SH2B2: variants seen among roughly 807,000 people sequenced by gnomAD.
SH2B2 encodes SH2B adaptor protein 2.
A neutral mutation model predicts 35.7 loss-of-function variants in SH2B2; 37 were observed. The observed-to-expected ratio is 1.04, with a 90% CI of 0.80 to 1.36. The LOEUF (loss-of-function observed/expected upper bound fraction) is 1.36, where lower values mean the gene tolerates loss of function less well. Among genes scored for constraint, SH2B2 ranks in the 40% most tolerant of loss-of-function variants. The pLI, the probability that SH2B2 is intolerant of heterozygous loss-of-function variation, is 0.00. For missense variants in SH2B2, 852 were observed against 817.7 expected, an observed-to-expected ratio of 1.04 and a Z score of -0.51; for synonymous variants, 383 against 376.4, an observed-to-expected ratio of 1.02 and a Z score of -0.20.
At chr7:102,285,427 G>C (rs1792406669), upstream of SH2B2, among the ~76,000 whole-genome samples, 1 of 152,192 alleles carries the variant, frequency 6.6e-6, no homozygotes, top group South Asian at 2.1e-4. Context: ...CCTGTGTGCA[G>C]CTCCGATCGA....
rs1245587518 is a variant in SH2B2, at chr7:102,301,282, G to A, written c.729+3G>A. ...TGGAGTTCTTCGTGCCGCCCAAAGT[G>A]AGTTACCCCATAATCCCACCTAGCC... is the stretch of plus-strand genomic sequence containing the variant. On this transcript the variant is annotated splice_donor_region_variant and intron_variant, in intron 2 of 8. Coordinates refer to ENST00000444095, the MANE Select transcript of SH2B2 (RefSeq NM_001359228.2). 1 of 1,602,318 alleles carries A rather than the reference G, an allele frequency of 6.2e-7. No individual in the cohort carries two copies. The highest frequency in any genetic ancestry group is 1.4e-5 in the African/African-American group (1 of 73,990).
At chr7:102,293,984 G>C (rs570843938) in intron 1 of SH2B2, among the ~76,000 whole-genome samples, 4 of 152,086 alleles carry the variant, frequency 2.6e-5, no homozygotes, top group African/African-American at 9.7e-5. Flanking sequence ...GGAGATCAGA[G>C]GGGGAGAGCA....
intron 4 of SH2B2, among the ~76,000 whole-genome samples, chr7:102,313,813 G>A (rs1221949177): frequency 6.6e-6 from 1 of 151,954 alleles, no homozygotes; most frequent in Non-Finnish European, 1.5e-5. Context: ...TCAGGAGGCT[G>A]AGGCAGGAGA....
Position 102,300,799 on chromosome 7 carries a change from TG to T in SH2B2, c.252del (p.Pro85ArgfsTer8). On this transcript the variant is annotated frameshift_variant, in exon 2 of 9. Transcript: ENST00000444095. LOFTEE classifies it high-confidence loss of function. ...GEEVRRVLVA[G>X]PTTRGAAVSA... The stretch of plus-strand genomic sequence containing the variant: ...AGGAGGTGCGCCGCGTGCTGGTGGC[TG>T]GGCCGACGACTCGGGGCGCGGCCGT... 6.7e-7 allele frequency: 1 copy of T among 1,499,268 alleles called. No homozygotes were observed. The highest frequency in any genetic ancestry group is 8.9e-7 in the Non-Finnish European group (1 of 1,119,470). 92.9% of individuals were successfully genotyped at this position (1,499,268 alleles called of 1,614,324 possible). A position where few individuals can be genotyped will look rare whatever the true frequency, so the allele number is the denominator to read the frequency against.
chr7:102,288,059 C>T (rs1554551149), intron 1 of SH2B2, among the ~76,000 whole-genome samples: 1 of 152,192 alleles, frequency 6.6e-6, no homozygotes, highest in East Asian at 1.9e-4. Context: ...TGCCTGCCTC[C>T]TGGCTAAGGG....
intron 1 of SH2B2, among the ~76,000 whole-genome samples, chr7:102,295,068 G>A (rs1261411654): frequency 1.3e-5 from 2 of 152,138 alleles, no homozygotes; most frequent in Admixed American, 6.5e-5. Context: ...ACCCACCTGC[G>A]AGAGCCTCCC....
intron 6 of SH2B2, among the ~76,000 whole-genome samples, chr7:102,315,269 G>A (rs1361968409): frequency 6.6e-6 from 1 of 151,988 alleles, no homozygotes; most frequent in Non-Finnish European, 1.5e-5. Context: ...AGTGTTTTTT[G>A]AGGCTGAGGA....
At chr7:102,320,138 G>A (rs1209685411) in intron 7 of SH2B2, among the ~76,000 whole-genome samples, 193 bp from the exon 8 acceptor site, 2 of 152,170 alleles carry the variant, frequency 1.3e-5, no homozygotes, top group Non-Finnish European at 2.9e-5. Flanking sequence ...AATGCCTGAT[G>A]CCTTCCATCT....
At chr7:102,291,898 A>G (rs1430646185) in intron 1 of SH2B2, among the ~76,000 whole-genome samples, 1 of 152,178 alleles carries the variant, frequency 6.6e-6, no homozygotes, top group Non-Finnish European at 1.5e-5. Context: ...CCCAAAGAGC[A>G]TCTGTGTCCT....
At chr7:102,308,303 G>C (rs1554555265) in intron 3 of SH2B2, among the ~76,000 whole-genome samples, 1 of 152,246 alleles carries the variant, frequency 6.6e-6, no homozygotes, top group Non-Finnish European at 1.5e-5. Flanking sequence ...TATGCTCTGG[G>C]CCTGGCCCCA....
intron 4 of SH2B2, among the ~76,000 whole-genome samples, chr7:102,311,161 C>T (rs1793605425): frequency 6.6e-6 from 1 of 152,122 alleles, no homozygotes; most frequent in Non-Finnish European, 1.5e-5. Context: ...TGCAATCAAG[C>T]TCACTGCAGC....
At chr7:102,295,300 G>C (rs1554552370) in intron 1 of SH2B2, among the ~76,000 whole-genome samples, 1 of 152,182 alleles carries the variant, frequency 6.6e-6, no homozygotes, top group Non-Finnish European at 1.5e-5. Flanking sequence ...CCCCCTGGGG[G>C]TCCTAATGGT....
intron 1 of SH2B2, among the ~76,000 whole-genome samples, chr7:102,298,202 C>T (rs1792998569): frequency 6.6e-6 from 1 of 152,150 alleles, no homozygotes; most frequent in Non-Finnish European, 1.5e-5. Flanking sequence ...TAATACGAAC[C>T]ACTGCAGGAT....
At chr7:102,306,471 G>A (rs1484183401) in intron 2 of SH2B2, among the ~76,000 whole-genome samples, 1 of 152,172 alleles carries the variant, frequency 6.6e-6, no homozygotes, top group Non-Finnish European at 1.5e-5. Context: ...CCATCCTCCT[G>A]CCTCGGCCTC....
intron 1 of SH2B2, among the ~76,000 whole-genome samples, chr7:102,290,211 G>A (rs1215558711): frequency 2.0e-5 from 3 of 150,326 alleles, no homozygotes; most frequent in East Asian, 2.0e-4. Context: ...CTCAGAAAGG[G>A]ACCAGCCTGG....
At position 102,301,243 on chromosome 7, in the gene SH2B2, G is replaced by A; in HGVS notation, c.693G>A (p.Glu231=). ...CRLLLRRAVA[E]ERFRLEFFVP... is the part of the protein sequence containing the mutation. ...TGCTCCTGCGCAGGGCTGTGGCCGAGGAACGCTTCCGCCTGGAGTTCTTCG... is the reference window on the plus strand; with the variant it reads ...TGCTCCTGCGCAGGGCTGTGGCCGAAGAACGCTTCCGCCTGGAGTTCTTCG... Residue 231 remains glutamate, a synonymous_variant, in exon 2 of 9, where the codon GAG becomes GAA. Coordinates refer to ENST00000444095, the MANE Select transcript of SH2B2 (RefSeq NM_001359228.2). The A allele has an allele frequency of 6.2e-7, 1 of 1,604,776 alleles. No individual in the cohort carries two copies. The highest frequency in any genetic ancestry group is 8.5e-7 in the Non-Finnish European group (1 of 1,176,346).
At chr7:102,310,610 G>A (rs1554555860) in intron 4 of SH2B2, among the ~76,000 whole-genome samples, 1 of 152,198 alleles carries the variant, frequency 6.6e-6, no homozygotes, top group Non-Finnish European at 1.5e-5. Flanking sequence ...CAGCTCTGCT[G>A]GCTAATGGGG....
chr7:102,310,911 C>G (rs1554555926), intron 4 of SH2B2, among the ~76,000 whole-genome samples: 1 of 152,122 alleles, frequency 6.6e-6, no homozygotes, highest in Admixed American at 6.6e-5. Context: ...CAGGAGGAGC[C>G]CAGCCCCTCA....
In SH2B2 at chr7:102,317,354, G is replaced by A. The variant is rs921762851; in HGVS notation, c.1354G>A (p.Gly452Arg). ...FVIRQSETRP[G>R]EYVLTFNFQG... ...GATCCGCCAAAGTGAGACTCGGCCT[G>A]GGGAGTACGTGCTGACCTTCAACTT... Residue 452 changes from glycine (G) to arginine (R), a missense_variant, in exon 7 of 9, where the codon GGG becomes AGG. Coordinates refer to ENST00000444095, the MANE Select transcript of SH2B2 (RefSeq NM_001359228.2). 1.6e-5 allele frequency: 26 copies of A among 1,606,352 alleles called. No homozygotes were observed. The highest frequency in any genetic ancestry group is 2.2e-5 in the Non-Finnish European group (26 of 1,174,240).
Sources: gnomAD v4.1 joint callset for allele counts (sites outside exome capture counted in the v4.1 genomes callset) on GRCh38, gnomAD v4.1.1 for gene constraint, MANE v1.5 for transcripts, NCBI Gene and HGNC (gene_info 2026-07-23, HGNC 2026-07-21) for gene names.